The following ASF1B variants were observed in gnomAD, a reference collection of about 807,000 sequenced individuals.
ASF1B encodes the protein histone chaperone ASF1B.
In ASF1B, 10 loss-of-function variants were observed where a neutral mutation model predicts 16.6. The ratio of observed to expected loss-of-function variants is 0.60; its 90% CI spans 0.37 to 1.02. The LOEUF (loss-of-function observed/expected upper bound fraction) is 1.02. ASF1B is among the 50% of genes least tolerant of loss of function. ASF1B has a pLI of 0.01. For synonymous variants in ASF1B, 101 were observed against 106.2 expected (o/e 0.95, Z 0.30); for missense variants, 240 against 266.0 (o/e 0.90, Z 0.68).
In ASF1B at chr19:14,131,542, G is replaced by A. The variant is rs1967405483; in HGVS notation, c.109+4806C>T. Among the ~76,000 whole-genome samples, 6 of 149,884 alleles carry A rather than the reference G, an allele frequency of 4.0e-5. No homozygotes were observed. In the South Asian group the frequency reaches 1.3e-3, roughly 31 times the overall value. On this transcript the variant is annotated intron_variant, in intron 1 of 3. Coordinates refer to ENST00000263382, the MANE Select transcript of ASF1B (RefSeq NM_018154.3). ...TTGTTGCCCAGGTTGGGGTGCAGTGGTGCAATCTCGGCTCGCTGCAAGCTC... is the reference window on the plus strand; with the variant it reads ...TTGTTGCCCAGGTTGGGGTGCAGTGATGCAATCTCGGCTCGCTGCAAGCTC...
At chr19:14,127,476 G>A (rs1379492762) in intron 1 of ASF1B, among the ~76,000 whole-genome samples, 2 of 152,278 alleles carry the variant, frequency 1.3e-5, no homozygotes, top group East Asian at 3.9e-4. Context: ...CTGGGGCAGG[G>A]TGGCAGATTC....
intron 2 of ASF1B, among the ~76,000 whole-genome samples, chr19:14,124,285 C>T (rs1278230851): frequency 6.6e-6 from 1 of 152,172 alleles, no homozygotes; most frequent in Non-Finnish European, 1.5e-5. Context: ...TCCCAAGTAG[C>T]TGGGACGACA....
At position 14,119,884 on chromosome 19, in the gene ASF1B, C is replaced by T. The variant is rs1439689545; in HGVS notation, c.*575G>A. On this transcript the variant is annotated 3_prime_UTR_variant, in exon 4 of 4. Transcript: ENST00000263382. ...ATTGACAGGAAAGGCAACATGGTTC[C>T]TCAGCATCCTGCTGATCACACCTCT... 1 of 152,444 alleles carries T rather than the reference C, an allele frequency of 6.6e-6. No homozygotes were observed. Among genetic ancestry groups the T allele is most frequent in the Non-Finnish European group, 1.5e-5 (1 of 68,142 alleles). The allele number at this position is 152,444 out of a possible 1,614,324, so 9.4% of individuals were successfully genotyped here.
Position 14,120,361 on chromosome 19 carries a change from G to T in ASF1B, c.*98C>A. 2 of 1,234,764 alleles carry T rather than the reference G, an allele frequency of 1.6e-6. No individual in the cohort carries two copies. Among genetic ancestry groups the T allele is most frequent in the Non-Finnish European group, 2.3e-6 (2 of 877,180 alleles). The allele number at this position is 1,234,764 out of a possible 1,614,324, so 76.5% of individuals were successfully genotyped here. The stretch of plus-strand genomic sequence containing the variant: ...CTGAGTTTGACAGACCTGGATTGCA[G>T]CTGATGGCCCCCAAAGTCCTCTAGA... On this transcript the variant is annotated 3_prime_UTR_variant, in exon 4 of 4. Transcript: ENST00000263382.
At chr19:14,134,210 C>G (rs761273939) in intron 1 of ASF1B, among the ~76,000 whole-genome samples, 3 of 152,156 alleles carry the variant, frequency 2.0e-5, no homozygotes, top group Non-Finnish European at 4.4e-5. Flanking sequence ...CCATCTCCTC[C>G]TGGCTTTTAA....
At chr19:14,136,046 G>A (rs1283391400) in intron 1 of ASF1B, among the ~76,000 whole-genome samples, 1 of 151,666 alleles carries the variant, frequency 6.6e-6, no homozygotes, top group Non-Finnish European at 1.5e-5. Flanking sequence ...TCTCTATGGG[G>A]AGGTCGGGGC....
chr19:14,127,782 G>A (rs1599358462), intron 1 of ASF1B, among the ~76,000 whole-genome samples: 2 of 151,902 alleles, frequency 1.3e-5, no homozygotes, highest in Non-Finnish European at 2.9e-5. Flanking sequence ...GATTATAGGC[G>A]CCCGCCACCA....
intron 2 of ASF1B, 94 bp from the exon 3 acceptor site, chr19:14,121,802 A>G: frequency 8.4e-7 from 1 of 1,186,024 alleles, no homozygotes; most frequent in East Asian, 2.7e-5. Flanking sequence ...TTTACTGAGC[A>G]AAAAGTATGC....
Position 14,129,123 on chromosome 19 carries a change from G to A in ASF1B, c.110-2886C>T, listed in dbSNP as rs140299692. On this transcript the variant is annotated intron_variant, in intron 1 of 3. Coordinates refer to ENST00000263382, the MANE Select transcript of ASF1B (RefSeq NM_018154.3). ...AACAAAATTAATTGGGTGTGGTGGC[G>A]CGTGCCGGTGGTCCCAGCTATGCGG... Among the ~76,000 whole-genome samples the A allele has an allele frequency of 1.1e-4, 16 of 152,228 alleles. No individual in the cohort carries two copies. The East Asian group carries it at 1.2e-3, about 11-fold the overall frequency.
At chr19:14,120,897 T>C (rs577424654) in intron 3 of ASF1B, among the ~76,000 whole-genome samples, 1 of 152,238 alleles carries the variant, frequency 6.6e-6, no homozygotes, top group South Asian at 2.1e-4. Flanking sequence ...CTCGTCTCAC[T>C]GCAACCTCTG....
At chr19:14,130,633 T>C (rs544172768) in intron 1 of ASF1B, among the ~76,000 whole-genome samples, 2 of 152,000 alleles carry the variant, frequency 1.3e-5, no homozygotes, top group Admixed American at 6.6e-5. Context: ...CAGGAACTCA[T>C]AGCTATGAGT....
chr19:14,120,693 T>G (rs760840829), intron 3 of ASF1B, 28 bp from the exon 4 acceptor site: 20 of 1,609,786 alleles, frequency 1.2e-5, no homozygotes, highest in African/African-American at 4.0e-5. Flanking sequence ...ACGTCAACCC[T>G]TGTAGGTACG....
intron 1 of ASF1B, among the ~76,000 whole-genome samples, chr19:14,134,919 A>G (rs1457202041): frequency 4.1e-5 from 6 of 144,986 alleles, no homozygotes; most frequent in Non-Finnish European, 9.0e-5. Context: ...TTATCCAGCT[A>G]TATTAAAAAA....
chr19:14,131,492 T>C (rs944968231), intron 1 of ASF1B, among the ~76,000 whole-genome samples: 24 of 150,786 alleles, frequency 1.6e-4, no homozygotes, highest in African/African-American at 5.6e-4. Flanking sequence ...TTTCTTTTTT[T>C]TTTTTTTTGA....
At chr19:14,130,881 TTTG>T (rs934521009) in intron 1 of ASF1B, among the ~76,000 whole-genome samples, 16 of 152,000 alleles carry the variant, frequency 1.1e-4, no homozygotes, top group Admixed American at 7.9e-4. Context: ...TTCCTGCTTT[TTTG>T]TTGTTGTTTT....
intron 2 of ASF1B, among the ~76,000 whole-genome samples, chr19:14,123,086 C>A (rs1967264254): frequency 6.6e-6 from 1 of 152,214 alleles, no homozygotes; most frequent in African/African-American, 2.4e-5. Context: ...AATGAAAACA[C>A]CACGCCCCTC....
chr19:14,129,337 A>C (rs1260893684), intron 1 of ASF1B, among the ~76,000 whole-genome samples: 5 of 152,104 alleles, frequency 3.3e-5, no homozygotes, highest in Non-Finnish European at 7.4e-5. Context: ...GGCTGGAAAG[A>C]AACTGGAGAA....
At position 14,136,567 on chromosome 19, in the gene ASF1B, C is replaced by T. The variant is rs1967508340; in HGVS notation, c.-111G>A. 2 of 813,548 alleles carry T rather than the reference C, an allele frequency of 2.5e-6. No homozygotes were observed. Among genetic ancestry groups the T allele is most frequent in the East Asian group, 2.8e-5 (1 of 35,748 alleles). The allele number at this position is 813,548 out of a possible 1,614,324, so 50.4% of individuals were successfully genotyped here. A position where few individuals can be genotyped will look rare whatever the true frequency, so the allele number is the denominator to read the frequency against. On this transcript the variant is annotated 5_prime_UTR_variant, in exon 1 of 4. Transcript: ENST00000263382. Reference sequence around the variant, plus strand: ...GGGCTGACCAGGTCCACTCCCGCCTCTTCTCTCCGAGAACTGAAGTGCGCA... The same window carrying T: ...GGGCTGACCAGGTCCACTCCCGCCTTTTCTCTCCGAGAACTGAAGTGCGCA...
In ASF1B at chr19:14,136,521, T is replaced by C. The variant is rs892572499; in HGVS notation, c.-65A>G. 11 of 1,465,550 alleles carry C rather than the reference T, an allele frequency of 7.5e-6. No homozygotes were observed. In the African/African-American group the frequency reaches 1.1e-4, roughly 15 times the overall value. 90.8% of individuals were successfully genotyped at this position (1,465,550 alleles called of 1,614,324 possible). ...GGCTGTGGCGGAGGCCGCGCCTGGG[T>C]CCGGTGGGGTCAGTGGGGTAGGGCT... On this transcript the variant is annotated 5_prime_UTR_variant, in exon 1 of 4. Coordinates refer to ENST00000263382, the MANE Select transcript of ASF1B (RefSeq NM_018154.3).
Sources: allele counts gnomAD v4.1 joint callset (sites outside exome capture counted in the v4.1 genomes callset), GRCh38; gene constraint gnomAD v4.1.1; transcripts MANE v1.5; gene names NCBI Gene and HGNC (gene_info 2026-07-23, HGNC 2026-07-21).